IMMP2L: variants seen among roughly 807,000 people sequenced by gnomAD.
The protein encoded by IMMP2L is mitochondrial inner membrane protease subunit 2.
Under a neutral mutation model 19.3 loss-of-function variants are expected in IMMP2L, and 18 were observed. That is an observed-to-expected ratio of 0.93 (90% CI 0.64 to 1.38). The LOEUF is 1.38. Among genes scored for constraint, IMMP2L ranks in the 40% most tolerant of loss-of-function variants. The pLI is 0.00. For synonymous variants in IMMP2L, 76 were observed against 73.0 expected, an observed-to-expected ratio of 1.04 and a Z score of -0.21; for missense variants, 233 against 218.2, an observed-to-expected ratio of 1.07 and a Z score of -0.43.
At chr7:111,313,673 G>C (rs1823747446) in intron 3 of IMMP2L, among the ~76,000 whole-genome samples, 1 of 152,002 alleles carries the variant, frequency 6.6e-6, no homozygotes, top group Non-Finnish European at 1.5e-5. Flanking sequence ...AACTATAGGA[G>C]TTTTTACTCT....
chr7:110,868,048 G>A (rs2214972), intron 5 of IMMP2L, among the ~76,000 whole-genome samples: 5,876 of 151,346 alleles, frequency 0.039, 368 homozygotes, highest in African/African-American at 0.13. Flanking sequence ...TCAGAGAGAC[G>A]CAAACTCAAG....
intron 4 of IMMP2L, chr7:110,962,906 T>G (rs932886825): frequency 7.3e-6 from 10 of 1,375,618 alleles, no homozygotes; most frequent in Non-Finnish European, 8.4e-6. Flanking sequence ...AGACACATCA[T>G]GCCACACAGT....
intron 2 of IMMP2L, among the ~76,000 whole-genome samples, chr7:111,503,925 CT>C (rs1844595876): frequency 6.6e-6 from 1 of 152,036 alleles, no homozygotes; most frequent in South Asian, 2.1e-4. Flanking sequence ...CAGGGATGCC[CT>C]CTCTCACCAC....
At chr7:110,799,394 CAA>C (rs960394649) in intron 5 of IMMP2L, among the ~76,000 whole-genome samples, 1 of 151,900 alleles carries the variant, frequency 6.6e-6, no homozygotes, top group Admixed American at 6.6e-5. Flanking sequence ...TTCTGAAACT[CAA>C]GTCAGGACAT....
intron 3 of IMMP2L, among the ~76,000 whole-genome samples, chr7:111,288,765 A>T (rs185870276): frequency 6.6e-6 from 1 of 152,266 alleles, no homozygotes; most frequent in East Asian, 1.9e-4. Flanking sequence ...AAGTCAGGAA[A>T]CAACAGATGC....
intron 3 of IMMP2L, among the ~76,000 whole-genome samples, chr7:111,047,680 G>T (rs1792541983): frequency 6.6e-6 from 1 of 151,912 alleles, no homozygotes. Context: ...GAAATTCCAG[G>T]GGCTAATATT....
intron 4 of IMMP2L, among the ~76,000 whole-genome samples, chr7:110,945,310 A>T (rs997203436): frequency 6.6e-6 from 1 of 152,016 alleles, no homozygotes; most frequent in African/African-American, 2.4e-5. Context: ...AAGTGTGAAG[A>T]ATGGATTGGC....
chr7:111,414,051 C>A (rs1417833682), intron 3 of IMMP2L, among the ~76,000 whole-genome samples: 6 of 151,714 alleles, frequency 4.0e-5, no homozygotes, highest in Non-Finnish European at 7.4e-5. Context: ...CCAGCAGTTT[C>A]CCGGAAAGTT....
chr7:111,025,954 C>T (rs987647990), intron 3 of IMMP2L, among the ~76,000 whole-genome samples: 3 of 151,904 alleles, frequency 2.0e-5, no homozygotes, highest in South Asian at 2.1e-4. Context: ...ACAAGTTCCC[C>T]GGGTGTTTAA....
intron 3 of IMMP2L, among the ~76,000 whole-genome samples, chr7:111,064,101 G>A (rs930987866): frequency 8.5e-5 from 13 of 152,144 alleles, no homozygotes; most frequent in Admixed American, 3.3e-4. Flanking sequence ...TAAAAGAAAG[G>A]GGTTTATTGG....
chr7:111,118,288 T>C (rs1454581070), intron 3 of IMMP2L, among the ~76,000 whole-genome samples: 1 of 152,080 alleles, frequency 6.6e-6, no homozygotes, highest in Non-Finnish European at 1.5e-5. Flanking sequence ...TCATAAATGA[T>C]GAAAAACAGA....
chr7:110,837,336 AAG>A (rs1002094029), intron 5 of IMMP2L, among the ~76,000 whole-genome samples: 2 of 151,918 alleles, frequency 1.3e-5, no homozygotes, highest in Non-Finnish European at 2.9e-5. Context: ...GTGAGGAGGA[AAG>A]AGAGAGAAAA....
chr7:111,019,219 A>G (rs1733314848), intron 3 of IMMP2L, among the ~76,000 whole-genome samples: 1 of 152,196 alleles, frequency 6.6e-6, no homozygotes, highest in African/African-American at 2.4e-5. Flanking sequence ...GAGGGAAAAA[A>G]ACTGACGAGG....
At chr7:110,876,187 T>C (rs1809047029) in intron 5 of IMMP2L, among the ~76,000 whole-genome samples, 2 of 152,180 alleles carry the variant, frequency 1.3e-5, no homozygotes, top group African/African-American at 4.8e-5. Context: ...AAACATGCTT[T>C]TCTATCAGAT....
At chr7:111,531,262 G>A (rs79470474) in intron 1 of IMMP2L, among the ~76,000 whole-genome samples, 3,566 of 151,514 alleles carry the variant, frequency 0.024, 66 homozygotes, top group African/African-American at 0.035. Flanking sequence ...GCCTGAATAC[G>A]AATTTTTCTT....
intron 4 of IMMP2L, among the ~76,000 whole-genome samples, chr7:110,888,456 A>G (rs1810451291): frequency 6.6e-6 from 1 of 152,210 alleles, no homozygotes; most frequent in African/African-American, 2.4e-5. Flanking sequence ...GAAAGAAAAC[A>G]ATTACCAATT....
At chr7:111,216,194 G>C (rs1252271516) in intron 3 of IMMP2L, among the ~76,000 whole-genome samples, 2 of 152,028 alleles carry the variant, frequency 1.3e-5, no homozygotes, top group African/African-American at 4.8e-5. Flanking sequence ...ACTTTCCTTT[G>C]AGGAGGTCCC....
chr7:111,524,615 G>A (rs892795274), intron 1 of IMMP2L, among the ~76,000 whole-genome samples: 10 of 152,038 alleles, frequency 6.6e-5, no homozygotes, highest in Non-Finnish European at 7.4e-5. Context: ...GGAAAATACT[G>A]ATATTTGGGT....
intron 3 of IMMP2L, among the ~76,000 whole-genome samples, chr7:111,235,334 G>A (rs954269608): frequency 6.6e-6 from 1 of 151,968 alleles, no homozygotes; most frequent in Admixed American, 6.6e-5. Flanking sequence ...AGCCGAGCGT[G>A]GTGGTGGGCA....
Sources: allele counts gnomAD v4.1 joint callset (sites outside exome capture counted in the v4.1 genomes callset), GRCh38; gene constraint gnomAD v4.1.1; transcripts MANE v1.5; gene names NCBI Gene and HGNC (gene_info 2026-07-23, HGNC 2026-07-21).